SHANK2: variants seen among roughly 807,000 people sequenced by gnomAD.
SHANK2 encodes the protein SH3 and multiple ankyrin repeat domains 2, also known as SH3 and multiple ankyrin repeat domains protein 2.
SHANK2 carries 43 observed loss-of-function variants against 133.7 expected under a neutral mutation model. That is an observed-to-expected ratio of 0.32 (90% CI 0.25 to 0.41). The LOEUF is 0.41. Among genes scored for constraint, SHANK2 ranks in the 10% least tolerant of loss-of-function variants. The pLI, the probability that SHANK2 is intolerant of heterozygous loss-of-function variation, is 1.00. For missense variants in SHANK2, 1,994 were observed against 2,235.8 expected, an observed-to-expected ratio of 0.89 and a Z score of 2.18; for synonymous variants, 1,017 against 952.8, an observed-to-expected ratio of 1.07 and a Z score of -1.24.
chr11:70,502,014 G>C (rs1008916226), intron 19 of SHANK2, 83 bp from the exon 20 acceptor site: 1 of 1,468,954 alleles, frequency 6.8e-7, no homozygotes, highest in Non-Finnish European at 9.3e-7. Flanking sequence ...ACAACGCCCC[G>C]CGAGGCTCCG....
intron 14 of SHANK2, among the ~76,000 whole-genome samples, chr11:70,792,036 G>A (rs782110674): frequency 1.4e-4 from 22 of 152,252 alleles, no homozygotes; most frequent in African/African-American, 2.2e-4. Context: ...ACTATTCATG[G>A]AACTAAGCTG....
intron 5 of SHANK2, among the ~76,000 whole-genome samples, chr11:71,112,890 C>A (rs572133975): frequency 8.5e-5 from 13 of 152,292 alleles, no homozygotes; most frequent in African/African-American, 2.9e-4. Context: ...AACTTCAGTG[C>A]AATTTATGTG....
At chr11:70,834,983 G>A (rs1428419718) in intron 11 of SHANK2, among the ~76,000 whole-genome samples, 2 of 152,164 alleles carry the variant, frequency 1.3e-5, no homozygotes, top group African/African-American at 4.8e-5. Flanking sequence ...CCAAGAACAT[G>A]GCTATTTTGG....
intron 10 of SHANK2, among the ~76,000 whole-genome samples, chr11:70,944,923 C>T (rs1486860819): frequency 6.6e-6 from 1 of 152,150 alleles, no homozygotes; most frequent in Non-Finnish European, 1.5e-5. Flanking sequence ...TCAAATGCTC[C>T]CTGTTTCACA....
chr11:70,771,355 GA>G (rs1282023305), intron 14 of SHANK2, among the ~76,000 whole-genome samples: 23 of 152,226 alleles, frequency 1.5e-4, no homozygotes, highest in Admixed American at 1.5e-3. Context: ...CCAGCACACA[GA>G]AGTGGTGGGG....
intron 17 of SHANK2, among the ~76,000 whole-genome samples, chr11:70,588,888 G>A (rs2060286971): frequency 6.6e-6 from 1 of 152,222 alleles, no homozygotes; most frequent in African/African-American, 2.4e-5. Context: ...TGCGGTCTCA[G>A]CTCACTGCAA....
At chr11:70,598,201 G>A (rs1415414049) in intron 17 of SHANK2, among the ~76,000 whole-genome samples, 1 of 152,100 alleles carries the variant, frequency 6.6e-6, no homozygotes, top group Non-Finnish European at 1.5e-5. Flanking sequence ...GGGGCGGGAC[G>A]AATGACTGAG....
Position 70,770,915 on chromosome 11 carries a change from CTTTTTTTTTTTTT to C in SHANK2, c.1777+27515_1777+27527del, listed in dbSNP as rs71467419. Among the ~76,000 whole-genome samples the C allele has an allele frequency of 5.9e-3, 551 of 92,840 alleles. 2 individuals carry two copies. The highest frequency in any genetic ancestry group is 9.6e-3 in the Non-Finnish European group (474 of 49,628). The allele number at this position is 92,840 out of a possible 152,430, so 60.9% of individuals were successfully genotyped here. A position where few individuals can be genotyped will look rare whatever the true frequency, so the allele number is the denominator to read the frequency against. On this transcript the variant is annotated intron_variant, in intron 14 of 25. Coordinates refer to ENST00000601538, the MANE Select transcript of SHANK2 (RefSeq NM_012309.5). ...TCTCTCCTTCCCTCCCTCTTACTTC[CTTTTTTTTTTTTT>C]TTTTTTTTTTTTTTTTGACAGGGTC...
intron 9 of SHANK2, among the ~76,000 whole-genome samples, chr11:71,073,147 CT>C (rs1156355131): frequency 1.6e-5 from 1 of 62,716 alleles, no homozygotes; most frequent in Non-Finnish European, 3.9e-5. Flanking sequence ...TTTTTCTTTT[CT>C]TTTTTTTCTT....
chr11:70,845,994 G>A (rs1948991487), intron 11 of SHANK2, among the ~76,000 whole-genome samples: 1 of 152,150 alleles, frequency 6.6e-6, no homozygotes, highest in Admixed American at 6.5e-5. Flanking sequence ...GAAACAGGTG[G>A]CCAAGGGCAG....
At chr11:71,154,390 G>A (rs1239546227) in intron 2 of SHANK2, among the ~76,000 whole-genome samples, 1 of 152,196 alleles carries the variant, frequency 6.6e-6, no homozygotes, top group East Asian at 1.9e-4. Context: ...GGGCTTTGGG[G>A]AAGGGTGGGC....
intron 11 of SHANK2, among the ~76,000 whole-genome samples, chr11:70,821,702 C>T (rs782715857): frequency 6.6e-6 from 1 of 152,204 alleles, no homozygotes; most frequent in Non-Finnish European, 1.5e-5. Flanking sequence ...AGATTACAGG[C>T]ATGAGCCACC....
chr11:70,842,261 A>T, intron 11 of SHANK2, among the ~76,000 whole-genome samples: 1 of 152,052 alleles, frequency 6.6e-6, no homozygotes, highest in East Asian at 1.9e-4. Flanking sequence ...CCTTCCCTTG[A>T]CTTGGGGCCA....
intron 9 of SHANK2, among the ~76,000 whole-genome samples, chr11:71,069,383 C>T (rs1437598653): frequency 2.0e-5 from 3 of 151,970 alleles, no homozygotes; most frequent in African/African-American, 7.3e-5. Context: ...TCATCATCAA[C>T]ACCTTCATCA....
rs782046236 is a variant in SHANK2 at position 70,487,530 on chromosome 11, C to T, written c.2763G>A (p.Lys921=). 6.2e-7 allele frequency: 1 copy of T among 1,613,656 alleles called. No homozygotes were observed. The highest frequency in any genetic ancestry group is 1.1e-5 in the South Asian group (1 of 91,048). Residue 921 remains lysine, a synonymous_variant, in exon 25 of 26, where the codon AAG becomes AAA. Transcript: ENST00000601538. This position sits in a 1 kb window ranked among gnomAD's most constrained non-coding sequence, Gnocchi z 5.8. ...CGGCAGAATTCTGATTGAACGCAGGCTTAATCGTCCCGTAGACTCTTGGAG... is the reference window on the plus strand; with the variant it reads ...CGGCAGAATTCTGATTGAACGCAGGTTTAATCGTCCCGTAGACTCTTGGAG... ...SPTPRVYGTI[K]PAFNQNSAAK...
At chr11:70,698,911 G>C (rs1945458929) in intron 14 of SHANK2, 148 bp from the exon 15 acceptor site, 2 of 692,086 alleles carry the variant, frequency 2.9e-6, no homozygotes, top group South Asian at 3.1e-5. Context: ...GGAAAATGAG[G>C]CCTGGTTCTG....
At chr11:70,877,860 C>A (rs1555071649) in intron 11 of SHANK2, among the ~76,000 whole-genome samples, 1 of 152,180 alleles carries the variant, frequency 6.6e-6, no homozygotes, top group Non-Finnish European at 1.5e-5. Flanking sequence ...CTCTCCTGCA[C>A]CAGGAAAGAA....
chr11:70,618,978 T>C (rs1300310622), intron 17 of SHANK2, among the ~76,000 whole-genome samples: 3 of 152,300 alleles, frequency 2.0e-5, no homozygotes, highest in East Asian at 3.9e-4. Flanking sequence ...GGGTGAATCA[T>C]TGCAGGTGCC....
chr11:70,718,560 T>TG (rs745873322), intron 14 of SHANK2, among the ~76,000 whole-genome samples: 19 of 152,192 alleles, frequency 1.2e-4, no homozygotes, highest in South Asian at 2.1e-4. Flanking sequence ...GGCACAGGGC[T>TG]GGGGGCTGAG....
Sources: allele counts gnomAD v4.1 joint callset (sites outside exome capture counted in the v4.1 genomes callset), GRCh38; gene constraint gnomAD v4.1.1; non-coding constraint Gnocchi (gnomAD v3.1); transcripts MANE v1.5; gene names NCBI Gene and HGNC (gene_info 2026-07-23, HGNC 2026-07-21).